The following ZNF236 variants were observed in gnomAD, a reference collection of about 807,000 sequenced individuals.
The protein encoded by ZNF236 is regulated by glucose.
ZNF236 carries 50 observed loss-of-function variants against 191.2 expected under a neutral mutation model. The ratio of observed to expected loss-of-function variants is 0.26; its 90% CI spans 0.21 to 0.33. The LOEUF (loss-of-function observed/expected upper bound fraction) is 0.33, where lower values mean the gene tolerates loss of function less well. Among genes scored for constraint, ZNF236 ranks in the 10% least tolerant of loss-of-function variants. The pLI is 1.00. For missense variants in ZNF236, 1,754 were observed against 2,374.5 expected (o/e 0.74, Z 5.43); for synonymous variants, 907 against 928.8 (o/e 0.98, Z 0.43).
At chr18:76,839,621 C>T (rs1975423909) in intron 1 of ZNF236, among the ~76,000 whole-genome samples, 1 of 152,108 alleles carries the variant, frequency 6.6e-6, no homozygotes, top group South Asian at 2.1e-4. Context: ...AGTCGTCTGA[C>T]TCCAAGTGCT....
At chr18:76,921,456 G>A (rs1967530861) in intron 20 of ZNF236, among the ~76,000 whole-genome samples, 1 of 152,188 alleles carries the variant, frequency 6.6e-6, no homozygotes, top group African/African-American at 2.4e-5. Flanking sequence ...ATGTTTATAA[G>A]AAGGAGTCCA....
chr18:76,859,419 A>G (rs1976148967), intron 3 of ZNF236, among the ~76,000 whole-genome samples: 1 of 152,132 alleles, frequency 6.6e-6, no homozygotes, highest in Non-Finnish European at 1.5e-5. Context: ...TCTGCGTATT[A>G]ACCAGTTAGA....
At chr18:76,896,994 A>C (rs1977439093) in intron 10 of ZNF236, among the ~76,000 whole-genome samples, 1 of 151,498 alleles carries the variant, frequency 6.6e-6, no homozygotes, top group South Asian at 2.1e-4. Context: ...TACTGCACTT[A>C]GGCATCAAAC....
chr18:76,852,088 C>T, intron 3 of ZNF236, 149 bp downstream of exon 3: 3 of 751,312 alleles, frequency 4.0e-6, no homozygotes, highest in Non-Finnish European at 6.2e-6. Context: ...GCCTTGACAC[C>T]AGTTGACTGA....
intron 28 of ZNF236, among the ~76,000 whole-genome samples, chr18:76,958,334 G>A (rs945855216): frequency 1.3e-5 from 2 of 152,128 alleles, no homozygotes; most frequent in East Asian, 1.9e-4. Flanking sequence ...ACCCTTCGAG[G>A]AGTGCAGCTC....
At chr18:76,950,644 A>G (rs1266244103) in intron 27 of ZNF236, among the ~76,000 whole-genome samples, 1 of 152,132 alleles carries the variant, frequency 6.6e-6, no homozygotes, top group Admixed American at 6.5e-5. Flanking sequence ...GAACCTCTCA[A>G]AGTCATCCAT....
At chr18:76,852,089 A>G (rs1398515428) in intron 3 of ZNF236, 150 bp downstream of exon 3, 1 of 748,824 alleles carries the variant, frequency 1.3e-6, no homozygotes, top group Non-Finnish European at 2.1e-6. Flanking sequence ...CCTTGACACC[A>G]GTTGACTGAT....
At chr18:76,909,467 A>G (rs1022128220) in intron 14 of ZNF236, among the ~76,000 whole-genome samples, 2 of 151,046 alleles carry the variant, frequency 1.3e-5, no homozygotes, top group African/African-American at 4.9e-5. Flanking sequence ...TGTAGATTCA[A>G]AGATGAATGT....
intron 9 of ZNF236, among the ~76,000 whole-genome samples, chr18:76,882,564 C>T (rs1399480018): frequency 6.6e-6 from 1 of 152,196 alleles, no homozygotes; most frequent in Non-Finnish European, 1.5e-5. Context: ...AAACCTTTCC[C>T]AGTTGTCTTG....
At chr18:76,922,560 C>CTT (rs112571512) in intron 20 of ZNF236, among the ~76,000 whole-genome samples, 19 of 143,302 alleles carry the variant, frequency 1.3e-4, no homozygotes, top group African/African-American at 4.6e-4. Flanking sequence ...AGGAAATTGT[C>CTT]TTTTTTTTTT....
intron 21 of ZNF236, among the ~76,000 whole-genome samples, chr18:76,924,479 C>T (rs496813): frequency 0.67 from 101,789 of 152,076 alleles, 34,719 homozygotes; most frequent in East Asian, 0.86. Flanking sequence ...ACTAGTCCCT[C>T]GGTGGATCCT....
intron 11 of ZNF236, 87 bp from the exon 12 acceptor site, chr18:76,904,293 C>T (rs1977680492): frequency 5.3e-6 from 7 of 1,321,728 alleles, no homozygotes; most frequent in Non-Finnish European, 7.0e-6. Context: ...GAATTTTCAT[C>T]TTCTGGGTAA....
chr18:76,866,965 G>A lies in ZNF236; in HGVS notation c.364-1720G>A, dbSNP rs372355580. 2.4e-4 allele frequency among the ~76,000 whole-genome samples: 37 copies of A among 152,280 alleles called. No individual in the cohort carries two copies. The South Asian group carries it at 6.2e-3, about 26-fold the overall frequency. ...CCTGCTCGCACCATCTGAGCACGTC[G>A]TGCATAAACTGGGGTTGTCACTCAG... is the stretch of plus-strand genomic sequence containing the variant. On this transcript the variant is annotated intron_variant, in intron 3 of 30. Coordinates refer to ENST00000320610, the MANE Select transcript of ZNF236 (RefSeq NM_001306089.2).
chr18:76,904,410 T>C lies in ZNF236; in HGVS notation c.1925T>C (p.Phe642Ser), dbSNP rs752770196. The part of the protein sequence containing the change: ...GLIQPIPKNQ[F>S]FQSYFNNNFV... Reference sequence around the variant, plus strand: ...ATCCAGCCCATTCCAAAAAACCAGTTTTTCCAAAGCTATTTCAATAATAAT... The same window carrying C: ...ATCCAGCCCATTCCAAAAAACCAGTCTTTCCAAAGCTATTTCAATAATAAT... The change falls in exon 12 of 31, where the codon TTT (phenylalanine) becomes TCT (serine). Residue 642 changes from phenylalanine (F) to serine (S), a missense_variant. Physicochemically the swap from Phe to Ser is radical, Grantham distance 155. Around this residue, in one of 5 missense-constraint regions of ZNF236, gnomAD observed 641 missense variants for 869.6 expected, o/e 0.74. Transcript: ENST00000320610. The C allele has an allele frequency of 1.9e-6, 3 of 1,608,804 alleles. No individual in the cohort carries two copies. The highest frequency in any genetic ancestry group is 2.5e-6 in the Non-Finnish European group (3 of 1,177,864).
intron 26 of ZNF236, among the ~76,000 whole-genome samples, chr18:76,942,315 A>G (rs2122896982): frequency 6.6e-6 from 1 of 152,284 alleles, no homozygotes; most frequent in Admixed American, 6.5e-5. Flanking sequence ...ATCTCCCTAA[A>G]TGGACTGAAG....
At chr18:76,932,414 G>A (rs758769551) in intron 25 of ZNF236, among the ~76,000 whole-genome samples, 8 of 152,194 alleles carry the variant, frequency 5.3e-5, no homozygotes, top group Non-Finnish European at 7.3e-5. Context: ...TTCTCCAAAC[G>A]TTTTCTAAAA....
In ZNF236 at chr18:76,957,965, A is replaced by G. The variant is rs111790131; in HGVS notation, c.5113-1722A>G. On this transcript the variant is annotated intron_variant, in intron 28 of 30. Coordinates refer to ENST00000320610, the MANE Select transcript of ZNF236 (RefSeq NM_001306089.2). ...TTAAACTTAAGAGCTTCTGCACAGC[A>G]AAATAAACTATCAGCAGGATTCTTT... Among the ~76,000 whole-genome samples, 560 of 152,354 alleles carry G rather than the reference A, an allele frequency of 3.7e-3. 5 individuals are homozygous for G. The highest frequency in any genetic ancestry group is 0.017 in the Middle Eastern group (5 of 294).
intron 9 of ZNF236, among the ~76,000 whole-genome samples, chr18:76,893,460 A>G (rs900287456): frequency 2.0e-5 from 3 of 151,984 alleles, no homozygotes; most frequent in Non-Finnish European, 2.9e-5. Flanking sequence ...ACATTCTGTC[A>G]CTGTGTTTAA....
chr18:76,862,373 C>T (rs774311597), intron 3 of ZNF236, among the ~76,000 whole-genome samples: 1 of 152,140 alleles, frequency 6.6e-6, no homozygotes, highest in Non-Finnish European at 1.5e-5. Flanking sequence ...TCAGCGGAGC[C>T]GAGTACAGCA....
Sources: gnomAD v4.1 joint callset for allele counts (sites outside exome capture counted in the v4.1 genomes callset) on GRCh38, gnomAD v4.1.1 for gene constraint, gnomAD v4.1.1 regional missense constraint, MANE v1.5 for transcripts, NCBI Gene and HGNC (gene_info 2026-07-23, HGNC 2026-07-21) for gene names.